AKAP9: variants seen among roughly 807,000 people sequenced by gnomAD.
AKAP9 encodes A-kinase anchoring protein 9.
AKAP9 carries 311 observed loss-of-function variants against 488.5 expected under a neutral mutation model. The ratio of observed to expected loss-of-function variants is 0.64; its 90% CI spans 0.58 to 0.70. AKAP9 has a LOEUF of 0.70. Among genes scored for constraint, AKAP9 ranks in the 30% least tolerant of loss-of-function variants. The probability of loss-of-function intolerance (pLI) is 0.00; values close to 1 mark genes in which losing one functional copy is unlikely to be tolerated. For missense variants in AKAP9, 4,215 were observed against 4,374.5 expected, an observed-to-expected ratio of 0.96 and a Z score of 1.03; for synonymous variants, 1,462 against 1,483.5, an observed-to-expected ratio of 0.99 and a Z score of 0.33.
chr7:92,031,697 A>G (rs1804268040), intron 16 of AKAP9, 93 bp downstream of exon 16: 1 of 964,942 alleles, frequency 1.0e-6, no homozygotes, highest in South Asian at 1.4e-5. Flanking sequence ...TATGTACTTT[A>G]TAAGTTTCAT....
chr7:91,982,359 AG>A, intron 3 of AKAP9, among the ~76,000 whole-genome samples: 1 of 151,324 alleles, frequency 6.6e-6, no homozygotes, highest in East Asian at 1.9e-4. Context: ...ACCCCTCGAC[AG>A]GCCCCCATGT....
At chr7:92,007,907 A>G (rs1445579931) in intron 8 of AKAP9, among the ~76,000 whole-genome samples, 2 of 152,238 alleles carry the variant, frequency 1.3e-5, no homozygotes, top group African/African-American at 4.8e-5. Flanking sequence ...TTGATTTTAT[A>G]AATATTGAAA....
At chr7:92,029,840 A>G (rs1318851817) in intron 14 of AKAP9, 55 bp from the exon 15 acceptor site, 1 of 1,428,944 alleles carries the variant, frequency 7.0e-7, no homozygotes, top group Non-Finnish European at 9.9e-7. Context: ...ATTTTGCATG[A>G]ACACTAAAGC....
intron 2 of AKAP9, among the ~76,000 whole-genome samples, chr7:91,975,280 A>G (rs1014165158): frequency 2.0e-5 from 3 of 152,178 alleles, no homozygotes; most frequent in Non-Finnish European, 2.9e-5. Flanking sequence ...TTATGCCTGT[A>G]AAGTTTTATT....
Position 92,084,648 on chromosome 7 carries a change from A to G in AKAP9, c.8655A>G (p.Ser2885=). Residue 2885 remains serine, a synonymous_variant, in exon 34 of 50, where the codon TCA becomes TCG. Transcript: ENST00000356239. The part of the protein sequence containing the change: ...IQCLRSKEGS[S]IPELAHSDAY... ...TTGTTTTCTCTAATTAGGGATCCTC[A>G]ATTCCTGAGCTAGCACATTCTGATG... is the stretch of plus-strand genomic sequence containing the variant. The G allele has an allele frequency of 6.2e-7, 1 of 1,608,550 alleles. No homozygotes were observed. The highest frequency in any genetic ancestry group is 8.5e-7 in the Non-Finnish European group (1 of 1,175,652).
chr7:92,056,071 ATTAATAT>A (rs60455472), intron 22 of AKAP9, among the ~76,000 whole-genome samples: 62,388 of 151,158 alleles, frequency 0.41, 13,261 homozygotes, highest in African/African-American at 0.51. Context: ...CTGAACATGA[ATTAATAT>A]TTAATATAAT....
intron 28 of AKAP9, among the ~76,000 whole-genome samples, chr7:92,072,400 T>C (rs912305807): frequency 4.6e-5 from 7 of 152,182 alleles, no homozygotes; most frequent in Non-Finnish European, 1.0e-4. Context: ...CCCATTCACC[T>C]ACCATAACTG....
At chr7:91,964,625 A>G (rs1044673286) in intron 1 of AKAP9, among the ~76,000 whole-genome samples, 6 of 152,160 alleles carry the variant, frequency 3.9e-5, no homozygotes, top group African/African-American at 1.2e-4. Context: ...AGAGAAAAAC[A>G]TTAGATAGTA....
chr7:92,093,163 G>T lies in AKAP9; in HGVS notation c.9425G>T (p.Ser3142Ile), dbSNP rs148442799. ...CTGGAGATGCAAGTGGAGCTCAGCA[G>T]TATGAAAGACAGAGCAACGGAACTG... ...QMLEMQVELS[S>I]MKDRATELQE... The change falls in exon 39 of 50, where the codon AGT becomes ATT. Residue 3142 changes from serine to isoleucine, a missense_variant. By Grantham distance (142) the Ser-to-Ile change is moderately radical. Coordinates refer to ENST00000356239, the MANE Select transcript of AKAP9 (RefSeq NM_005751.5). The T allele has an allele frequency of 1.9e-5, 31 of 1,614,076 alleles. No individual in the cohort carries two copies. The highest frequency in any genetic ancestry group is 2.6e-5 in the Non-Finnish European group (31 of 1,180,038).
Position 92,038,558 on chromosome 7 carries a change from T to C in AKAP9, c.4478T>C (p.Leu1493Ser). 1.2e-6 allele frequency: 2 copies of C among 1,613,956 alleles called. No individual in the cohort carries two copies. The highest frequency in any genetic ancestry group is 2.2e-5 in the South Asian group (2 of 91,080). Residue 1493 changes from leucine (L) to serine (S), a missense_variant, in exon 17 of 50, where the codon TTA becomes TCA. This residue lies in a region of AKAP9 where 2,361 missense variants were observed against 2,430.0 expected (regional missense o/e 0.97). Transcript: ENST00000356239. ...CAACATTATTTTAATGAAATGAAAT[T>C]ATCACAGGATCAAATTGGTTTTCAG... ...QEQHYFNEMK[L>S]SQDQIGFQTF... is the part of the protein sequence containing the mutation.
chr7:92,107,231 G>A (rs1246623026), intron 47 of AKAP9, 62 bp from the exon 48 acceptor site: 8 of 1,561,108 alleles, frequency 5.1e-6, no homozygotes, highest in Admixed American at 5.0e-5. Flanking sequence ...CTATTTTGTA[G>A]AAATTTTTTA....
Position 92,100,978 on chromosome 7 carries a change from A to T in AKAP9, c.11019A>T (p.Val3673=), listed in dbSNP as rs746268091. Residue 3673 remains valine (V), a synonymous_variant, in exon 45 of 50, where the codon GTA becomes GTT. Transcript: ENST00000356239. ...QKSLKRAEAE[V]YKLKAELRND... ...CTTTGAAAAGGGCAGAGGCTGAAGT[A>T]TACAAACTGAAAGCTGAACTAAGAA... The T allele has an allele frequency of 6.2e-7, 1 of 1,614,194 alleles. No individual in the cohort carries two copies. The highest frequency in any genetic ancestry group is 8.5e-7 in the Non-Finnish European group (1 of 1,180,040).
At chr7:92,105,932 C>T (rs1209169239) in intron 47 of AKAP9, among the ~76,000 whole-genome samples, 169 bp downstream of exon 47, 2 of 152,234 alleles carry the variant, frequency 1.3e-5, no homozygotes, top group Admixed American at 6.5e-5. Flanking sequence ...TCAGATCAGC[C>T]GTGGCATTAG....
chr7:92,097,644 T>C lies in AKAP9; in HGVS notation c.10457T>C (p.Ile3486Thr), dbSNP rs1454241708. Residue 3486 changes from isoleucine to threonine, a missense_variant, in exon 42 of 50, where the codon ATA becomes ACA. By Grantham distance (89) the Ile-to-Thr change is moderately conservative. Transcript: ENST00000356239. ...RTRNWVLQQK[I>T]EGETKESNYA... Reference sequence around the variant, plus strand: ...AGAAATTGGGTTCTTCAACAGAAAATAGAAGGAGAAACAAAAGAATCAAAC... The same window carrying C: ...AGAAATTGGGTTCTTCAACAGAAAACAGAAGGAGAAACAAAAGAATCAAAC... 6.2e-7 allele frequency: 1 copy of C among 1,613,906 alleles called. No homozygotes were observed. The highest frequency in any genetic ancestry group is 2.2e-5 in the East Asian group (1 of 44,878).
chr7:92,071,919 CATA>C (rs1234058671), intron 28 of AKAP9, among the ~76,000 whole-genome samples: 5 of 152,148 alleles, frequency 3.3e-5, no homozygotes, highest in African/African-American at 1.2e-4. Context: ...CTCACTATCA[CATA>C]ATACTGAGTA....
intron 10 of AKAP9, among the ~76,000 whole-genome samples, chr7:92,015,259 TG>T (rs1464014454): frequency 1.3e-5 from 2 of 152,208 alleles, no homozygotes; most frequent in Non-Finnish European, 2.9e-5. Context: ...TTTTAAATGA[TG>T]ATAGAAGTGT....
At chr7:92,012,339 T>C in intron 8 of AKAP9, 90 bp from the exon 9 acceptor site, 1 of 1,179,982 alleles carries the variant, frequency 8.5e-7, no homozygotes, top group Non-Finnish European at 1.2e-6. Context: ...ATTTTTAAAC[T>C]CTTGTAGTCA....
In AKAP9 at chr7:92,002,833, G is replaced by C. The variant is rs1799335051; in HGVS notation, c.2916G>C (p.Glu972Asp). The change falls in exon 8 of 50, where the codon GAG becomes GAC. Residue 972 changes from glutamate to aspartate, a missense_variant. Physicochemically the swap from Glu to Asp is conservative, Grantham distance 45 (BLOSUM62 2). Coordinates refer to ENST00000356239, the MANE Select transcript of AKAP9 (RefSeq NM_005751.5). ...LSEQLKQKHG[E>D]ISFLNEEVKS... ...AACAATTGAAACAGAAACATGGTGA[G>C]ATTAGTTTTCTAAATGAAGAAGTTA... The C allele has an allele frequency of 1.2e-6, 2 of 1,613,374 alleles. No homozygotes were observed. The highest frequency in any genetic ancestry group is 1.7e-6 in the Non-Finnish European group (2 of 1,179,700).
chr7:92,068,011 G>C (rs1186649794), intron 26 of AKAP9, among the ~76,000 whole-genome samples: 1 of 152,062 alleles, frequency 6.6e-6, no homozygotes, highest in East Asian at 1.9e-4. Context: ...AAGAAGTACA[G>C]AGTGCCAATA....
Sources: allele counts gnomAD v4.1 joint callset (sites outside exome capture counted in the v4.1 genomes callset), GRCh38; gene constraint gnomAD v4.1.1; regional missense constraint gnomAD v4.1.1; transcripts MANE v1.5; gene names NCBI Gene and HGNC (gene_info 2026-07-23, HGNC 2026-07-21).